ARHGEF38: variants seen among roughly 807,000 people sequenced by gnomAD.
The protein encoded by ARHGEF38 is Rho guanine nucleotide exchange factor 38, also known as Rho guanine nucleotide exchange factor (GEF) 38.
In ARHGEF38, 79 loss-of-function variants were observed where a neutral mutation model predicts 79.9. That is an observed-to-expected ratio of 0.99 (90% CI 0.82 to 1.19). ARHGEF38 has a LOEUF of 1.19. ARHGEF38 is among the 50% of genes most tolerant of loss of function. The probability of loss-of-function intolerance (pLI) is 0.00; values close to 1 mark genes in which losing one functional copy is unlikely to be tolerated. For missense variants in ARHGEF38, 962 were observed against 907.2 expected, an observed-to-expected ratio of 1.06 and a Z score of -0.78; for synonymous variants, 366 against 328.3, an observed-to-expected ratio of 1.11 and a Z score of -1.24.
At chr4:105,676,264 C>T (rs1053994619) in intron 13 of ARHGEF38, among the ~76,000 whole-genome samples, 4 of 152,152 alleles carry the variant, frequency 2.6e-5, no homozygotes, top group African/African-American at 9.7e-5. Context: ...TTCATGTATT[C>T]ATCTCCGTAC....
chr4:105,607,995 C>T (rs1348556015), intron 2 of ARHGEF38, among the ~76,000 whole-genome samples: 3 of 152,006 alleles, frequency 2.0e-5, no homozygotes, highest in Admixed American at 6.6e-5. Flanking sequence ...AACTGGGTAA[C>T]GTAGGCAACA....
chr4:105,584,518 A>G (rs1726938413), intron 1 of ARHGEF38, among the ~76,000 whole-genome samples: 1 of 152,188 alleles, frequency 6.6e-6, no homozygotes, highest in South Asian at 2.1e-4. Flanking sequence ...AGAGCTAAGT[A>G]ACTTGTCTGA....
At chr4:105,590,060 AGAAAAAGAAAGAAAGAAGGAAG>A (rs1487279025) in intron 2 of ARHGEF38, among the ~76,000 whole-genome samples, 3 of 143,458 alleles carry the variant, frequency 2.1e-5, no homozygotes, top group Non-Finnish European at 3.0e-5. Context: ...AGAGAAAGAA[AGAAAAAGAAAGAAAGAAGGAAG>A]GAAGGAAGGA....
At chr4:105,607,354 C>A (rs927887357) in intron 2 of ARHGEF38, among the ~76,000 whole-genome samples, 4 of 152,048 alleles carry the variant, frequency 2.6e-5, no homozygotes, top group Non-Finnish European at 5.9e-5. Context: ...TTATTCAGAG[C>A]CTAGTGAATT....
Position 105,679,571 on chromosome 4 carries a change from C to A in ARHGEF38, c.*1634C>A, listed in dbSNP as rs1476644662. The A allele has an allele frequency of 2.0e-6, 2 of 1,001,476 alleles. No homozygotes were observed. Among genetic ancestry groups the A allele is most frequent in the African/African-American group, 1.6e-5 (1 of 63,058 alleles). 62.0% of individuals were successfully genotyped at this position (1,001,476 alleles called of 1,614,324 possible). ...CAGCCAATGCATCTATCGCCCCTTT[C>A]TCTTCTATCAGTATCTGAGCTGATG... On this transcript the variant is annotated 3_prime_UTR_variant, in exon 14 of 14. Transcript: ENST00000420470.
intron 3 of ARHGEF38, among the ~76,000 whole-genome samples, chr4:105,615,630 T>A (rs1350366197): frequency 6.6e-6 from 1 of 152,212 alleles, no homozygotes; most frequent in Non-Finnish European, 1.5e-5. Context: ...TTTTCCTTTT[T>A]AAAAATTATT....
At chr4:105,607,312 C>T (rs1469283091) in intron 2 of ARHGEF38, among the ~76,000 whole-genome samples, 3 of 151,898 alleles carry the variant, frequency 2.0e-5, no homozygotes, top group Admixed American at 6.6e-5. Context: ...TAATTTTTTC[C>T]CTTTAAACCA....
At chr4:105,681,876 A>G (rs1402827271), downstream of ARHGEF38, among the ~76,000 whole-genome samples, 1 of 152,204 alleles carries the variant, frequency 6.6e-6, no homozygotes, top group Non-Finnish European at 1.5e-5. Context: ...CATTTTGAGC[A>G]CTAAGTAAGA....
At chr4:105,661,528 A>C (rs1053364661) in intron 10 of ARHGEF38, among the ~76,000 whole-genome samples, 3 of 149,154 alleles carry the variant, frequency 2.0e-5, no homozygotes, top group Non-Finnish European at 4.4e-5. Flanking sequence ...TGTTATAGCT[A>C]TCCTAATGGG....
chr4:105,649,788 G>A (rs1319766452), intron 7 of ARHGEF38, among the ~76,000 whole-genome samples: 2 of 152,120 alleles, frequency 1.3e-5, no homozygotes, highest in African/African-American at 4.8e-5. Context: ...TCTGGAAAGG[G>A]TTAATATATT....
intron 3 of ARHGEF38, 91 bp downstream of exon 3, chr4:105,613,598 C>G: frequency 7.1e-7 from 1 of 1,401,224 alleles, no homozygotes; most frequent in Non-Finnish European, 9.8e-7. Context: ...TCCTGACTCA[C>G]CATGCTTCCC....
chr4:105,559,097 A>C (rs1725393673), intron 1 of ARHGEF38, among the ~76,000 whole-genome samples: 1 of 152,120 alleles, frequency 6.6e-6, no homozygotes, highest in African/African-American at 2.4e-5. Context: ...TTGATGCCAT[A>C]ATCATATTAG....
intron 9 of ARHGEF38, among the ~76,000 whole-genome samples, chr4:105,658,610 T>C (rs1730433835): frequency 6.6e-6 from 1 of 152,094 alleles, no homozygotes; most frequent in Admixed American, 6.6e-5. Flanking sequence ...TTCCTTTTGC[T>C]GCCAGCAGAA....
chr4:105,604,411 C>T lies in ARHGEF38; in HGVS notation c.385-8973C>T, dbSNP rs528729016. Among the ~76,000 whole-genome samples the T allele has an allele frequency of 2.0e-5, 3 of 152,288 alleles. No homozygotes were observed. In the South Asian group the frequency reaches 6.2e-4, roughly 32 times the overall value. ...AAGTCTACTGTCACACATCTGCCCA[C>T]CACATCTTTTTGAGCCTTCTGTTTC... On this transcript the variant is annotated intron_variant, in intron 2 of 13. Coordinates refer to ENST00000420470, the MANE Select transcript of ARHGEF38 (RefSeq NM_001242729.2).
At chr4:105,620,532 G>A (rs1728696200) in intron 3 of ARHGEF38, among the ~76,000 whole-genome samples, 1 of 152,062 alleles carries the variant, frequency 6.6e-6, no homozygotes, top group Admixed American at 6.6e-5. Context: ...TATTTAAAAT[G>A]CCTGATTTTT....
At chr4:105,668,640 G>T (rs1730844982) in intron 13 of ARHGEF38, among the ~76,000 whole-genome samples, 1 of 150,698 alleles carries the variant, frequency 6.6e-6, no homozygotes, top group South Asian at 2.1e-4. Flanking sequence ...TATTTTTATA[G>T]AGGTTATGTA....
intron 1 of ARHGEF38, among the ~76,000 whole-genome samples, chr4:105,560,266 AG>A (rs1725451589): frequency 6.6e-6 from 1 of 152,198 alleles, no homozygotes; most frequent in African/African-American, 2.4e-5. Flanking sequence ...AAAATTACAA[AG>A]GTAGGTTAAG....
Position 105,679,582 on chromosome 4 carries a change from G to T in ARHGEF38, c.*1645G>T. 1 of 948,090 alleles carries T rather than the reference G, an allele frequency of 1.1e-6. No individual in the cohort carries two copies. Among genetic ancestry groups the T allele is most frequent in the Non-Finnish European group, 1.7e-6 (1 of 574,934 alleles). The allele number at this position is 948,090 out of a possible 1,614,324, so 58.7% of individuals were successfully genotyped here. A position where few individuals can be genotyped will look rare whatever the true frequency, so the allele number is the denominator to read the frequency against. On this transcript the variant is annotated 3_prime_UTR_variant, in exon 14 of 14. Transcript: ENST00000420470. ...TCTATCGCCCCTTTCTCTTCTATCAGTATCTGAGCTGATGGTTGGAAAAAA... is the reference window on the plus strand; with the variant it reads ...TCTATCGCCCCTTTCTCTTCTATCATTATCTGAGCTGATGGTTGGAAAAAA...
At chr4:105,607,066 A>G (rs79073261) in intron 2 of ARHGEF38, among the ~76,000 whole-genome samples, 6,112 of 152,202 alleles carry the variant, frequency 0.04, 172 homozygotes, top group Non-Finnish European at 0.063. Context: ...AGGACACCTA[A>G]GAAAGTTTGG....
Sources: gnomAD v4.1 joint callset for allele counts (sites outside exome capture counted in the v4.1 genomes callset) on GRCh38, gnomAD v4.1.1 for gene constraint, MANE v1.5 for transcripts, NCBI Gene and HGNC (gene_info 2026-07-23, HGNC 2026-07-21) for gene names.